The following NEXMIF variants were observed in gnomAD, a reference collection of about 807,000 sequenced individuals.
NEXMIF encodes neurite extension and migration factor.
In NEXMIF, 8 loss-of-function variants were observed where a neutral mutation model predicts 62.1. That is an observed-to-expected ratio of 0.13 (90% confidence interval 0.08 to 0.23). NEXMIF has a LOEUF of 0.23. NEXMIF is among the 10% of genes least tolerant of loss of function. The pLI, the probability that NEXMIF is intolerant of heterozygous loss-of-function variation, is 1.00. For synonymous variants in NEXMIF, 404 were observed against 416.6 expected, an observed-to-expected ratio of 0.97 and a Z score of 0.37; for missense variants, 976 against 1,113.3, an observed-to-expected ratio of 0.88 and a Z score of 1.75.
intron 1 of NEXMIF, among the ~76,000 whole-genome samples, chrX:74,761,545 T>C (rs1006430131): frequency 1.8e-5 from 2 of 111,863 alleles, no homozygotes; most frequent in African/African-American, 6.5e-5. Context: ...GTTGTTTGTA[T>C]TTCTGTGGTG....
At chrX:74,871,578 G>A (rs556803603) in intron 1 of NEXMIF, among the ~76,000 whole-genome samples, 3 of 110,955 alleles carry the variant, frequency 2.7e-5, no homozygotes, top group African/African-American at 9.8e-5. Context: ...TATCTCAACC[G>A]CATAAGACAG....
chrX:74,794,049 G>A (rs1466440264), intron 1 of NEXMIF, among the ~76,000 whole-genome samples: 3 of 89,543 alleles, frequency 3.4e-5, no homozygotes, highest in African/African-American at 7.8e-5. Flanking sequence ...GAGGAGAGGC[G>A]CTCTGCATTT....
chrX:74,742,363 T>C lies in NEXMIF; in HGVS notation c.2194A>G (p.Lys732Glu). The C allele has an allele frequency of 8.3e-7, 1 of 1,211,322 alleles. No individual in the cohort carries two copies. Among genetic ancestry groups the C allele is most frequent in the Non-Finnish European group, 1.1e-6 (1 of 895,116 alleles). Residue 732 changes from lysine to glutamate, a missense_variant, in exon 3 of 4, where the codon AAA becomes GAA. Physicochemically the swap from Lys to Glu is moderately conservative, Grantham distance 56 (BLOSUM62 1). Coordinates refer to ENST00000055682, the MANE Select transcript of NEXMIF (RefSeq NM_001008537.3). ...CTTTCTTGCCCAGCAGCTTTGACTT[T>C]CTTAGATTTTAACCTAGCTTCACTT... ...FKSEARLKSK[K>E]VKAAGQESKP...
chrX:74,739,540 T>C, intron 3 of NEXMIF, 42 bp from the exon 4 acceptor site: 2 of 875,426 alleles, frequency 2.3e-6, no homozygotes, highest in Non-Finnish European at 3.3e-6. Flanking sequence ...GAGTTAGTTT[T>C]AGTGTATGTC....
Position 74,767,429 on chromosome X carries a change from C to A in NEXMIF, c.-47-21732G>T, listed in dbSNP as rs141236925. Among the ~76,000 whole-genome samples the A allele has an allele frequency of 3.1e-3, 342 of 111,235 alleles. 2 individuals are homozygous for A. Among genetic ancestry groups the A allele is most frequent in the African/African-American group, 0.011 (328 of 30,629 alleles). On this transcript the variant is annotated intron_variant, in intron 1 of 3. Transcript: ENST00000055682. The stretch of plus-strand genomic sequence containing the variant: ...GGTATGGACTTGTTGCTGGCCTGAA[C>A]ACACCAGTAAGGATGGTTGTAGGCT...
At chrX:74,771,979 C>T (rs1376724045) in intron 1 of NEXMIF, among the ~76,000 whole-genome samples, 12 of 110,887 alleles carry the variant, frequency 1.1e-4, no homozygotes, top group African/African-American at 3.6e-4. Context: ...AGTGGAATCC[C>T]CAGGATCCTG....
At chrX:74,794,878 G>C (rs1221546228) in intron 1 of NEXMIF, among the ~76,000 whole-genome samples, 3 of 111,646 alleles carry the variant, frequency 2.7e-5, no homozygotes, top group African/African-American at 9.8e-5. Context: ...CCACTGTCTG[G>C]CACTCCCTAG....
chrX:74,799,816 A>G (rs2080323883), intron 1 of NEXMIF, among the ~76,000 whole-genome samples: 1 of 111,594 alleles, frequency 9.0e-6, no homozygotes, highest in South Asian at 3.8e-4. Flanking sequence ...TACATTGATA[A>G]AAGAGTCAAT....
chrX:74,777,764 C>T (rs186525330), intron 1 of NEXMIF, among the ~76,000 whole-genome samples: 3 of 111,577 alleles, frequency 2.7e-5, no homozygotes, highest in Middle Eastern at 4.6e-3. Context: ...TGAGACACAC[C>T]AAAAACAGAA....
intron 1 of NEXMIF, among the ~76,000 whole-genome samples, chrX:74,914,853 C>T (rs2080801400): frequency 8.9e-6 from 1 of 112,068 alleles, no homozygotes; most frequent in Admixed American, 9.5e-5. Flanking sequence ...TACTGTTCAA[C>T]AGTAAAAAGA....
intron 1 of NEXMIF, among the ~76,000 whole-genome samples, chrX:74,889,325 G>A (rs370880850): frequency 5.4e-5 from 6 of 111,587 alleles, no homozygotes; most frequent in Non-Finnish European, 9.4e-5. Context: ...TTCTTTTGTC[G>A]CAGCATAGAT....
At chrX:74,888,039 A>T (rs771821046) in intron 1 of NEXMIF, among the ~76,000 whole-genome samples, 67 of 110,207 alleles carry the variant, frequency 6.1e-4, no homozygotes, top group Middle Eastern at 4.7e-3. Flanking sequence ...TATCACAAGG[A>T]CAAAAAACCA....
At chrX:74,780,774 C>T (rs765789706) in intron 1 of NEXMIF, among the ~76,000 whole-genome samples, 3 of 111,895 alleles carry the variant, frequency 2.7e-5, no homozygotes, top group Non-Finnish European at 5.6e-5. Flanking sequence ...CATGTATTAT[C>T]TCTTCTAGGG....
intron 1 of NEXMIF, among the ~76,000 whole-genome samples, chrX:74,915,279 T>C (rs1252554778): frequency 2.7e-5 from 3 of 111,273 alleles, no homozygotes; most frequent in Non-Finnish European, 5.7e-5. Flanking sequence ...TCTACAAAAC[T>C]AAAAATAAAT....
At chrX:74,818,710 A>G (rs1160557169) in intron 1 of NEXMIF, among the ~76,000 whole-genome samples, 2 of 112,338 alleles carry the variant, frequency 1.8e-5, no homozygotes. Flanking sequence ...CAAACTATGC[A>G]TCTGACAAAG....
intron 1 of NEXMIF, among the ~76,000 whole-genome samples, chrX:74,886,950 A>T (rs1308071050): frequency 9.0e-6 from 1 of 110,679 alleles, no homozygotes; most frequent in Non-Finnish European, 1.9e-5. Flanking sequence ...ACCAAAACAG[A>T]GATATAGACC....
chrX:74,809,502 A>T (rs1327619514), intron 1 of NEXMIF, among the ~76,000 whole-genome samples: 1 of 111,412 alleles, frequency 9.0e-6, no homozygotes, highest in African/African-American at 3.3e-5. Flanking sequence ...CATTTACAAA[A>T]CCTGCAGAGG....
intron 1 of NEXMIF, among the ~76,000 whole-genome samples, chrX:74,893,390 G>T (rs780152075): frequency 1.1e-4 from 12 of 112,281 alleles, no homozygotes; most frequent in Non-Finnish European, 1.7e-4. Flanking sequence ...AAATCTAAAA[G>T]AGTTTTCTTG....
chrX:74,792,099 C>G (rs1392906458), intron 1 of NEXMIF, among the ~76,000 whole-genome samples: 1 of 109,756 alleles, frequency 9.1e-6, no homozygotes, highest in East Asian at 2.9e-4. Flanking sequence ...CCTGCTTTCT[C>G]TTGTGGGCAT....
Sources: allele counts gnomAD v4.1 joint callset (sites outside exome capture counted in the v4.1 genomes callset), GRCh38; gene constraint gnomAD v4.1.1; transcripts MANE v1.5; gene names NCBI Gene and HGNC (gene_info 2026-07-23, HGNC 2026-07-21).